Variants in TMEM254 observed in about 807,000 individuals in gnomAD.
TMEM254 encodes the protein transmembrane protein 254, also known as transmembrane protein C10orf57.
In TMEM254, 16 loss-of-function variants were observed where a neutral mutation model predicts 13.9. The observed-to-expected ratio is 1.15, with a 90% CI of 0.78 to 1.75. The LOEUF is 1.75. Among genes scored for constraint, TMEM254 ranks in the 40% most tolerant of loss-of-function variants. The pLI is 0.00. For missense variants in TMEM254, 155 were observed against 149.0 expected (o/e 1.04, Z -0.21); for synonymous variants, 61 against 56.4 (o/e 1.08, Z -0.36).
intron 3 of TMEM254, chr10:80,090,322 T>G (rs1167061501): frequency 8.4e-6 from 6 of 716,258 alleles, no homozygotes; most frequent in African/African-American, 1.7e-5. Flanking sequence ...GTGTGTATTA[T>G]CCCATAAATC....
chr10:80,081,038 C>T (rs1483165795), intron 1 of TMEM254, among the ~76,000 whole-genome samples: 1 of 152,142 alleles, frequency 6.6e-6, no homozygotes, highest in Non-Finnish European at 1.5e-5. Flanking sequence ...CGAGATCGTG[C>T]CACTGCACTC....
chr10:80,088,433 G>GGT (rs148434313), intron 3 of TMEM254, among the ~76,000 whole-genome samples: 5 of 149,504 alleles, frequency 3.3e-5, no homozygotes, highest in African/African-American at 9.9e-5. Flanking sequence ...TTTCCATTAT[G>GGT]TTTTTTTTCT....
At chr10:80,088,747 G>T (rs1183438756) in intron 3 of TMEM254, among the ~76,000 whole-genome samples, 3 of 135,074 alleles carry the variant, frequency 2.2e-5, no homozygotes, top group African/African-American at 8.3e-5. Flanking sequence ...CAGCCTGGGC[G>T]ACAGAGCAAG....
chr10:80,086,762 A>T (rs1478986204), intron 3 of TMEM254, among the ~76,000 whole-genome samples: 3 of 150,280 alleles, frequency 2.0e-5, no homozygotes, highest in Non-Finnish European at 4.4e-5. Flanking sequence ...AATCACTTGA[A>T]CCCAGGAGGT....
Position 80,092,150 on chromosome 10 carries a change from T to A in TMEM254, c.*1233T>A, listed in dbSNP as rs1393304937. ...CTTCCCTGGAGGACTGCCTGCTTGC[T>A]TTCTGGGGACACTAGCCCTCATTTC... On this transcript the variant is annotated 3_prime_UTR_variant, in exon 4 of 4. Coordinates refer to ENST00000372281, the MANE Select transcript of TMEM254 (RefSeq NM_025125.4). 6.6e-6 allele frequency: 1 copy of A among 152,224 alleles called. No individual in the cohort carries two copies. The highest frequency in any genetic ancestry group is 1.5e-5 in the Non-Finnish European group (1 of 68,050). 9.4% of individuals were successfully genotyped at this position (152,224 alleles called of 1,614,324 possible). A position where few individuals can be genotyped will look rare whatever the true frequency, so the allele number is the denominator to read the frequency against.
chr10:80,085,421 G>A (rs2090363286), intron 3 of TMEM254, among the ~76,000 whole-genome samples: 1 of 151,918 alleles, frequency 6.6e-6, no homozygotes, highest in Non-Finnish European at 1.5e-5. Context: ...AAAAAAATTA[G>A]CTGGGTGTGG....
intron 3 of TMEM254, among the ~76,000 whole-genome samples, chr10:80,089,755 G>C (rs1844487653): frequency 6.6e-6 from 1 of 152,084 alleles, no homozygotes; most frequent in Non-Finnish European, 1.5e-5. Flanking sequence ...TGTAATACCA[G>C]CACTTTGGGA....
intron 1 of TMEM254, chr10:80,079,696 G>A (rs1843868946): frequency 2.6e-5 from 26 of 985,716 alleles, no homozygotes; most frequent in Non-Finnish European, 3.1e-5. Flanking sequence ...TGGAAAAGTA[G>A]GTTGGGGGCT....
intron 1 of TMEM254, among the ~76,000 whole-genome samples, chr10:80,080,283 GGTA>G (rs767867771): frequency 4.5e-4 from 68 of 152,308 alleles, no homozygotes; most frequent in African/African-American, 1.5e-3. Flanking sequence ...TCGTGAGAGA[GGTA>G]GTACTGCTCT....
rs1401725756 is a variant in TMEM254, at chr10:80,091,687, C to A, written c.*770C>A. ...AGGGCCACAGCTTAAACAGCTTTAC[C>A]TTTCCCCTCAGCACCTGTCCCACTA... On this transcript the variant is annotated 3_prime_UTR_variant, in exon 4 of 4. Coordinates refer to ENST00000372281, the MANE Select transcript of TMEM254 (RefSeq NM_025125.4). 6.6e-6 allele frequency: 1 copy of A among 152,302 alleles called. No homozygotes were observed. Among genetic ancestry groups the A allele is most frequent in the Admixed American group, 6.5e-5 (1 of 15,288 alleles). 9.4% of individuals were successfully genotyped at this position (152,302 alleles called of 1,614,324 possible).
intron 3 of TMEM254, among the ~76,000 whole-genome samples, chr10:80,083,086 ATTAAACAAAT>A (rs1410281332): frequency 6.8e-6 from 1 of 147,642 alleles, no homozygotes; most frequent in African/African-American, 2.5e-5. Flanking sequence ...TTTCTTGTTT[ATTAAACAAAT>A]AAGCTAGACT....
intron 3 of TMEM254, among the ~76,000 whole-genome samples, chr10:80,083,092 CAAAT>C (rs995809344): frequency 1.5e-5 from 2 of 130,558 alleles, no homozygotes; most frequent in Non-Finnish European, 3.3e-5. Context: ...GTTTATTAAA[CAAAT>C]AAGCTAGACT....
rs113339188 is a variant in TMEM254, at chr10:80,082,045, G to A, written c.192-100G>A. 15 of 1,559,684 alleles carry A rather than the reference G, an allele frequency of 9.6e-6. 1 individual carries two copies. The highest frequency in any genetic ancestry group is 8.1e-5 in the African/African-American group (6 of 73,640). On this transcript the variant is annotated intron_variant, in intron 2 of 3. Coordinates refer to ENST00000372281, the MANE Select transcript of TMEM254 (RefSeq NM_025125.4). ...CCTTTTGGTATCTAAGAGTAGTGTC[G>A]GTTCACCTTAAGGCACTTTTCTTTT...
intron 3 of TMEM254, among the ~76,000 whole-genome samples, chr10:80,084,085 A>G (rs568351128): frequency 6.6e-6 from 1 of 151,708 alleles, no homozygotes; most frequent in Admixed American, 6.6e-5. Context: ...ACCCTTTCTC[A>G]AAAAAAATAA....
intron 3 of TMEM254, chr10:80,090,471 A>G: frequency 1.4e-6 from 1 of 716,538 alleles, no homozygotes. Flanking sequence ...GTCTATTTGC[A>G]AAACATTTGC....
intron 3 of TMEM254, chr10:80,090,385 A>G (rs769510759): frequency 4.2e-6 from 3 of 717,430 alleles, no homozygotes; most frequent in South Asian, 3.0e-5. Flanking sequence ...TTCAGATGAG[A>G]AAACTGATTC....
intron 3 of TMEM254, among the ~76,000 whole-genome samples, chr10:80,086,657 A>G (rs1206377303): frequency 2.0e-5 from 3 of 152,044 alleles, no homozygotes; most frequent in African/African-American, 4.8e-5. Flanking sequence ...CCTGGCCAAT[A>G]TGGTGAAACC....
chr10:80,091,785 TATC>T lies in TMEM254; in HGVS notation c.*871_*873del, dbSNP rs1234088034. 6.6e-6 allele frequency: 1 copy of T among 152,194 alleles called. No homozygotes were observed. Among genetic ancestry groups the T allele is most frequent in the Non-Finnish European group, 1.5e-5 (1 of 68,038 alleles). 9.4% of individuals were successfully genotyped at this position (152,194 alleles called of 1,614,324 possible). On this transcript the variant is annotated 3_prime_UTR_variant, in exon 4 of 4. Coordinates refer to ENST00000372281, the MANE Select transcript of TMEM254 (RefSeq NM_025125.4). The stretch of plus-strand genomic sequence containing the variant: ...ACTGATTTCACTTTCACTTGTTCAT[TATC>T]ATTCCAATTTTTATGTGAAAATGGC...
In TMEM254 at chr10:80,078,696, A is replaced by G; in HGVS notation, c.-4A>G. The G allele has an allele frequency of 6.3e-7, 1 of 1,597,958 alleles. No homozygotes were observed. The highest frequency in any genetic ancestry group is 1.1e-5 in the South Asian group (1 of 89,078). ...AAGCGCGCTCCCGGGGAGGTGTTGCAGCCATGGCTACGGCAGCCGGCGCGA... is the reference window on the plus strand; with the variant it reads ...AAGCGCGCTCCCGGGGAGGTGTTGCGGCCATGGCTACGGCAGCCGGCGCGA... On this transcript the variant is annotated 5_prime_UTR_variant, in exon 1 of 4. Transcript: ENST00000372281.
Sources: gnomAD v4.1 joint callset for allele counts (sites outside exome capture counted in the v4.1 genomes callset) on GRCh38, gnomAD v4.1.1 for gene constraint, MANE v1.5 for transcripts, NCBI Gene and HGNC (gene_info 2026-07-23, HGNC 2026-07-21) for gene names.